MBTPS1: variants seen among roughly 807,000 people sequenced by gnomAD.
MBTPS1 encodes membrane-bound transcription factor site-1 protease.
A neutral mutation model predicts 127.8 loss-of-function variants in MBTPS1; 94 were observed. That is an observed-to-expected ratio of 0.74 (90% confidence interval 0.62 to 0.87). MBTPS1 has a LOEUF of 0.87. Ranked by LOEUF, MBTPS1 falls within the 40% of genes least tolerant of loss-of-function variation. The pLI, the probability that MBTPS1 is intolerant of heterozygous loss-of-function variation, is 0.00. For synonymous variants in MBTPS1, 632 were observed against 509.4 expected, an observed-to-expected ratio of 1.24 and a Z score of -3.24; for missense variants, 1,636 against 1,353.2, an observed-to-expected ratio of 1.21 and a Z score of -3.28.
intron 1 of MBTPS1, among the ~76,000 whole-genome samples, chr16:84,102,316 T>C (rs1247944988): frequency 6.6e-6 from 1 of 152,098 alleles, no homozygotes; most frequent in Non-Finnish European, 1.5e-5. Context: ...ACCCTATGTC[T>C]AAAATAATAA....
Position 84,070,050 on chromosome 16 carries a change from GA to G in MBTPS1, c.1783-13del. 6.4e-7 allele frequency: 1 copy of G among 1,552,166 alleles called. No individual in the cohort carries two copies. Reference sequence around the variant, plus strand: ...GCACCATTTTTTGACTAAAAAAAAAGAAAAGAAACTTGAAACGCCCTCATTG... The same window carrying G: ...GCACCATTTTTTGACTAAAAAAAAAGAAAGAAACTTGAAACGCCCTCATTG... On this transcript the variant is annotated splice_polypyrimidine_tract_variant and intron_variant, in intron 13 of 22. Transcript: ENST00000343411.
At chr16:84,095,138 C>G (rs567505949) in intron 4 of MBTPS1, among the ~76,000 whole-genome samples, 2 of 152,356 alleles carry the variant, frequency 1.3e-5, no homozygotes, top group South Asian at 2.1e-4. Context: ...TACTTAGTCA[C>G]TCTGCATTCA....
chr16:84,095,550 T>C (rs2151165046), intron 4 of MBTPS1, 52 bp downstream of exon 4: 4 of 1,586,564 alleles, frequency 2.5e-6, no homozygotes, highest in Non-Finnish European at 3.5e-6. Flanking sequence ...CCCTGGGTAA[T>C]AGCACACACC....
intron 12 of MBTPS1, among the ~76,000 whole-genome samples, chr16:84,074,083 T>C (rs887748465): frequency 6.6e-6 from 1 of 152,108 alleles, no homozygotes; most frequent in Non-Finnish European, 1.5e-5. Context: ...AAAAATCAAA[T>C]GTAATTAGCT....
At position 84,091,218 on chromosome 16, in the gene MBTPS1, G is replaced by A. The variant is rs1363515899; in HGVS notation, c.964-276C>T. 2.0e-5 allele frequency among the ~76,000 whole-genome samples: 3 copies of A among 152,158 alleles called. No individual in the cohort carries two copies. In the East Asian group the frequency reaches 5.8e-4, roughly 29 times the overall value. Reference sequence around the variant, plus strand: ...AAGAAAGAATTGGCAGGGCATGGTGGCTCACGCCTGTAATCCCAGCACTTT... The same window carrying A: ...AAGAAAGAATTGGCAGGGCATGGTGACTCACGCCTGTAATCCCAGCACTTT... On this transcript the variant is annotated intron_variant, in intron 7 of 22. Coordinates refer to ENST00000343411, the MANE Select transcript of MBTPS1 (RefSeq NM_003791.4).
chr16:84,113,502 G>T (rs924853583), intron 1 of MBTPS1, among the ~76,000 whole-genome samples: 1 of 152,242 alleles, frequency 6.6e-6, no homozygotes, highest in Non-Finnish European at 1.5e-5. Context: ...GTAGAAGGGA[G>T]ACTCAGTAGA....
At position 84,083,431 on chromosome 16, in the gene MBTPS1, A is replaced by G. The variant is rs570983500; in HGVS notation, c.1287-1523T>C. ...GCAAACTGTAAGGGAAGAACAGAGA[A>G]AGGAGGAAAGAGATGGATATCTACC... On this transcript the variant is annotated intron_variant, in intron 10 of 22. Transcript: ENST00000343411. Among the ~76,000 whole-genome samples, 162 of 152,308 alleles carry G rather than the reference A, an allele frequency of 1.1e-3. 2 individuals are homozygous for G. Among genetic ancestry groups the G allele is most frequent in the African/African-American group, 3.9e-3 (160 of 41,552 alleles).
intron 3 of MBTPS1, among the ~76,000 whole-genome samples, chr16:84,098,178 G>A (rs1053140031): frequency 5.9e-5 from 9 of 152,320 alleles, no homozygotes; most frequent in African/African-American, 2.2e-4. Flanking sequence ...AGAAGAAAAG[G>A]AAAAGCCAAG....
intron 8 of MBTPS1, among the ~76,000 whole-genome samples, chr16:84,090,190 A>C (rs1224752372): frequency 6.6e-6 from 1 of 152,248 alleles, no homozygotes; most frequent in Non-Finnish European, 1.5e-5. Flanking sequence ...GAAATGACTT[A>C]TAAACATTAT....
At chr16:84,080,902 T>G (rs2085930877) in intron 11 of MBTPS1, among the ~76,000 whole-genome samples, 1 of 152,194 alleles carries the variant, frequency 6.6e-6, no homozygotes, top group Non-Finnish European at 1.5e-5. Flanking sequence ...GGACCCAGAC[T>G]GACAGACCAC....
intron 11 of MBTPS1, among the ~76,000 whole-genome samples, chr16:84,079,287 C>T (rs562138572): frequency 1.3e-5 from 2 of 152,224 alleles, no homozygotes; most frequent in African/African-American, 4.8e-5. Flanking sequence ...TTATAAATTA[C>T]CCAGTCTCAG....
chr16:84,115,590 A>C (rs1173513220), intron 1 of MBTPS1, among the ~76,000 whole-genome samples: 1 of 152,262 alleles, frequency 6.6e-6, no homozygotes, highest in African/African-American at 2.4e-5. Context: ...ACATGGATGA[A>C]CTGTGAAAAC....
chr16:84,067,219 T>A (rs1012831575), intron 16 of MBTPS1, among the ~76,000 whole-genome samples: 1 of 152,180 alleles, frequency 6.6e-6, no homozygotes, highest in Non-Finnish European at 1.5e-5. Context: ...ACCTGAAGTA[T>A]CTCATATCTA....
intron 1 of MBTPS1, among the ~76,000 whole-genome samples, chr16:84,103,711 A>G (rs2086287555): frequency 6.6e-6 from 1 of 152,202 alleles, no homozygotes; most frequent in African/African-American, 2.4e-5. Context: ...GTAGAAAAAC[A>G]TTGATAAAGT....
chr16:84,108,062 C>T (rs184006012), intron 1 of MBTPS1, among the ~76,000 whole-genome samples: 1 of 151,844 alleles, frequency 6.6e-6, no homozygotes, highest in African/African-American at 2.4e-5. Context: ...TGAGGCTTTG[C>T]AAGCACAGAC....
At chr16:84,054,986 C>A (rs183430651) in intron 22 of MBTPS1, among the ~76,000 whole-genome samples, 9 of 152,094 alleles carry the variant, frequency 5.9e-5, no homozygotes, top group Non-Finnish European at 1.2e-4. Context: ...TCTCTAAACA[C>A]AAGGGAAGAT....
chr16:84,097,462 C>G (rs1053932714), intron 3 of MBTPS1, among the ~76,000 whole-genome samples: 1 of 152,286 alleles, frequency 6.6e-6, no homozygotes, highest in East Asian at 1.9e-4. Flanking sequence ...GGCATGGGAA[C>G]GCAGTGGGCA....
chr16:84,080,871 G>A (rs2085930436), intron 11 of MBTPS1, among the ~76,000 whole-genome samples: 1 of 152,196 alleles, frequency 6.6e-6, no homozygotes, highest in Non-Finnish European at 1.5e-5. Context: ...TGTAATCCTA[G>A]CTTGACGTCT....
intron 22 of MBTPS1, among the ~76,000 whole-genome samples, chr16:84,055,440 A>C (rs2085508152): frequency 6.6e-6 from 1 of 152,210 alleles, no homozygotes; most frequent in Non-Finnish European, 1.5e-5. Flanking sequence ...AAGGCCTGGT[A>C]CCAATTGCCT....
Sources: allele counts gnomAD v4.1 joint callset (sites outside exome capture counted in the v4.1 genomes callset), GRCh38; gene constraint gnomAD v4.1.1; transcripts MANE v1.5; gene names NCBI Gene and HGNC (gene_info 2026-07-23, HGNC 2026-07-21).